The following SGCZ variants were observed in gnomAD, a reference collection of about 807,000 sequenced individuals.
SGCZ encodes the protein sarcoglycan zeta.
In SGCZ, 40 loss-of-function variants were observed where a neutral mutation model predicts 41.3. The ratio of observed to expected loss-of-function variants is 0.97; its 90% CI spans 0.75 to 1.26. The LOEUF is 1.26. SGCZ is among the 50% of genes most tolerant of loss of function. The pLI is 0.00. For synonymous variants in SGCZ, 206 were observed against 137.5 expected (o/e 1.50, Z -3.49); for missense variants, 552 against 369.8 (o/e 1.49, Z -4.04).
Position 14,947,588 on chromosome 8 carries a change from T to G in SGCZ, c.39+289997A>C, listed in dbSNP as rs544545917. On this transcript the variant is annotated intron_variant, in intron 1 of 7. Coordinates refer to ENST00000382080, the MANE Select transcript of SGCZ (RefSeq NM_139167.4). The stretch of plus-strand genomic sequence containing the variant: ...TGCACTGAATATAAAACTTGTATAC[T>G]TCCGTTAGTAAAGGCGTAGTGCCCC... Among the ~76,000 whole-genome samples, 8 of 152,282 alleles carry G rather than the reference T, an allele frequency of 5.3e-5. No individual in the cohort carries two copies. The South Asian group carries it at 8.3e-4, about 16-fold the overall frequency.
At chr8:14,381,309 A>G (rs991585576) in intron 2 of SGCZ, among the ~76,000 whole-genome samples, 3 of 152,234 alleles carry the variant, frequency 2.0e-5, no homozygotes, top group Non-Finnish European at 4.4e-5. Flanking sequence ...GTTAGAAAGA[A>G]ATTCTGAATA....
chr8:14,263,945 G>A (rs937355424), intron 3 of SGCZ, among the ~76,000 whole-genome samples: 3 of 152,214 alleles, frequency 2.0e-5, no homozygotes, highest in Non-Finnish European at 4.4e-5. Context: ...CCAGCATGAA[G>A]CCCAGTATTG....
chr8:14,699,106 C>G (rs180996743), intron 1 of SGCZ, among the ~76,000 whole-genome samples: 56 of 151,468 alleles, frequency 3.7e-4, no homozygotes, highest in African/African-American at 1.3e-3. Flanking sequence ...GAAGATCCCT[C>G]CCAGGTTTAA....
At chr8:14,375,830 A>G (rs1804101022) in intron 2 of SGCZ, among the ~76,000 whole-genome samples, 1 of 152,210 alleles carries the variant, frequency 6.6e-6, no homozygotes, top group South Asian at 2.1e-4. Context: ...CAATAAATAA[A>G]CCAATGGAAT....
At chr8:14,500,646 A>G (rs1026296415) in intron 2 of SGCZ, among the ~76,000 whole-genome samples, 4 of 152,064 alleles carry the variant, frequency 2.6e-5, no homozygotes, top group Non-Finnish European at 2.9e-5. Context: ...CATATAAAAT[A>G]TATACCTGTA....
At chr8:14,830,698 G>A (rs1041015072) in intron 1 of SGCZ, among the ~76,000 whole-genome samples, 55 of 151,990 alleles carry the variant, frequency 3.6e-4, no homozygotes, top group African/African-American at 1.2e-3. Flanking sequence ...GAATGCTGCT[G>A]ATTTATATGT....
At chr8:14,953,279 T>C (rs1360162872) in intron 1 of SGCZ, among the ~76,000 whole-genome samples, 1 of 152,038 alleles carries the variant, frequency 6.6e-6, no homozygotes, top group Non-Finnish European at 1.5e-5. Flanking sequence ...GCAGAGCAGA[T>C]GAGAGAGACA....
At chr8:14,576,629 C>G (rs1348689386) in intron 1 of SGCZ, among the ~76,000 whole-genome samples, 1 of 152,154 alleles carries the variant, frequency 6.6e-6, no homozygotes, top group Non-Finnish European at 1.5e-5. Context: ...GAGACATTTG[C>G]TCAAAGCCAT....
intron 2 of SGCZ, among the ~76,000 whole-genome samples, chr8:14,443,818 A>C (rs1479257038): frequency 1.3e-5 from 2 of 152,092 alleles, no homozygotes; most frequent in African/African-American, 2.4e-5. Flanking sequence ...AATGGGATCT[A>C]ATTAAACTAA....
chr8:14,777,862 A>G (rs1800462358), intron 1 of SGCZ, among the ~76,000 whole-genome samples: 1 of 151,324 alleles, frequency 6.6e-6, no homozygotes, highest in Non-Finnish European at 1.5e-5. Context: ...TTATTTGTAC[A>G]TATCTTACAC....
At chr8:15,126,725 G>T (rs769209521) in intron 1 of SGCZ, among the ~76,000 whole-genome samples, 29 of 152,120 alleles carry the variant, frequency 1.9e-4, no homozygotes, top group Non-Finnish European at 3.7e-4. Context: ...GTGTACAGAG[G>T]CACCGAGACT....
At chr8:15,002,143 G>C (rs760926059) in intron 1 of SGCZ, among the ~76,000 whole-genome samples, 5 of 151,158 alleles carry the variant, frequency 3.3e-5, no homozygotes, top group Non-Finnish European at 5.9e-5. Flanking sequence ...CAGAACAGCA[G>C]CATAACCATA....
chr8:14,305,672 G>A (rs1801326005), intron 3 of SGCZ, among the ~76,000 whole-genome samples: 1 of 152,160 alleles, frequency 6.6e-6, no homozygotes, highest in Non-Finnish European at 1.5e-5. Context: ...AATAATGATA[G>A]TCTTTGTGGT....
At chr8:14,884,579 G>C (rs1379245560) in intron 1 of SGCZ, among the ~76,000 whole-genome samples, 2 of 151,926 alleles carry the variant, frequency 1.3e-5, no homozygotes, top group Admixed American at 6.6e-5. Context: ...ATCAAAATTA[G>C]AGAAGGAACT....
intron 2 of SGCZ, among the ~76,000 whole-genome samples, chr8:14,505,280 G>GT (rs1426459532): frequency 1.3e-5 from 2 of 152,222 alleles, no homozygotes; most frequent in Non-Finnish European, 2.9e-5. Flanking sequence ...GTTTGAATGT[G>GT]TTTTTTTAGT....
At chr8:15,106,323 A>G (rs192897841) in intron 1 of SGCZ, among the ~76,000 whole-genome samples, 12 of 152,192 alleles carry the variant, frequency 7.9e-5, no homozygotes, top group Admixed American at 7.2e-4. Flanking sequence ...GAGAACATTT[A>G]CATATTAACA....
intron 1 of SGCZ, among the ~76,000 whole-genome samples, chr8:14,797,615 G>A (rs1172594666): frequency 6.6e-6 from 1 of 152,230 alleles, no homozygotes; most frequent in Non-Finnish European, 1.5e-5. Flanking sequence ...ACCTACTGCA[G>A]AAATTTGCAC....
At chr8:14,956,404 G>T (rs775675260) in intron 1 of SGCZ, among the ~76,000 whole-genome samples, 3 of 151,970 alleles carry the variant, frequency 2.0e-5, no homozygotes, top group Admixed American at 6.6e-5. Context: ...CCAATAATCT[G>T]CAATCTCAGC....
Position 15,026,626 on chromosome 8 carries a change from T to A in SGCZ, c.39+210959A>T, listed in dbSNP as rs544827744. Reference sequence around the variant, plus strand: ...ATGTGCCATTATAAAAGGGACTCGATTGCCAATCAGAGCTCAGCTTGAGAG... The same window carrying A: ...ATGTGCCATTATAAAAGGGACTCGAATGCCAATCAGAGCTCAGCTTGAGAG... On this transcript the variant is annotated intron_variant, in intron 1 of 7. Coordinates refer to ENST00000382080, the MANE Select transcript of SGCZ (RefSeq NM_139167.4). Among the ~76,000 whole-genome samples, 259 of 152,190 alleles carry A rather than the reference T, an allele frequency of 1.7e-3. 3 individuals carry two copies. The highest frequency in any genetic ancestry group is 3.2e-3 in the Middle Eastern group (1 of 316).
Sources: gnomAD v4.1 joint callset for allele counts (sites outside exome capture counted in the v4.1 genomes callset) on GRCh38, gnomAD v4.1.1 for gene constraint, MANE v1.5 for transcripts, NCBI Gene and HGNC (gene_info 2026-07-23, HGNC 2026-07-21) for gene names.